LRRIQ4: variants seen among roughly 807,000 people sequenced by gnomAD.
The protein encoded by LRRIQ4 is leucine rich repeats and IQ motif containing 4.
Under a neutral mutation model 40.1 loss-of-function variants are expected in LRRIQ4, and 21 were observed. The observed-to-expected ratio is 0.52, with a 90% CI of 0.37 to 0.75. The LOEUF (loss-of-function observed/expected upper bound fraction) is 0.75. LRRIQ4 is among the 30% of genes least tolerant of loss of function. The probability of loss-of-function intolerance (pLI) is 0.00; values close to 1 mark genes in which losing one functional copy is unlikely to be tolerated. For missense variants in LRRIQ4, 655 were observed against 660.0 expected (o/e 0.99, Z 0.08); for synonymous variants, 277 against 277.1 (o/e 1.00, Z 0.00).
At chr3:169,819,311 C>T (rs550837005) in intron 1 of LRRIQ4, among the ~76,000 whole-genome samples, 2 of 152,116 alleles carry the variant, frequency 1.3e-5, no homozygotes, top group South Asian at 2.1e-4. Flanking sequence ...TTTCAGAGGG[C>T]CGTCAAATTG....
At chr3:169,826,241 A>C (rs1780037465) in intron 2 of LRRIQ4, among the ~76,000 whole-genome samples, 1 of 152,046 alleles carries the variant, frequency 6.6e-6, no homozygotes, top group African/African-American at 2.4e-5. Context: ...AAAATACAAA[A>C]ATTAGCCGGG....
rs1462102099 is a variant in LRRIQ4, at chr3:169,837,613, A to G, written c.1665A>G (p.Gly555=). 1 of 1,578,152 alleles carries G rather than the reference A, an allele frequency of 6.3e-7. No individual in the cohort carries two copies. Among genetic ancestry groups the G allele is most frequent in the South Asian group, 1.2e-5 (1 of 84,192 alleles). ...KGKKDVKGKP[G]KGKKK ...AGAAGGATGTAAAAGGAAAACCAGG[A>G]AAGGGAAAAAAGAAATAATCCTGTA... Residue 555 remains glycine (G), a synonymous_variant, in exon 6 of 6, where the codon GGA becomes GGG. Coordinates refer to ENST00000340806, the MANE Select transcript of LRRIQ4 (RefSeq NM_001080460.3).
At position 169,828,842 on chromosome 3, in the gene LRRIQ4, C is replaced by T. The variant is rs1780100284; in HGVS notation, c.1104C>T (p.Val368=). 6.2e-7 allele frequency: 1 copy of T among 1,613,710 alleles called. No homozygotes were observed. ...GNEFLSFPEE[V]LSLASLEKLY... is the part of the protein sequence containing the mutation. ...AGTTCCTTTCCTTTCCGGAGGAAGT[C>T]CTTTCTTTAGCGTCTTTAGAGAAAT... The change falls in exon 3 of 6, where the codon GTC becomes GTT. Residue 368 remains valine (V), a synonymous_variant. Coordinates refer to ENST00000340806, the MANE Select transcript of LRRIQ4 (RefSeq NM_001080460.3).
intron 1 of LRRIQ4, among the ~76,000 whole-genome samples, chr3:169,818,013 G>A (rs1779801774): frequency 1.3e-5 from 2 of 152,188 alleles, no homozygotes; most frequent in South Asian, 4.1e-4. Context: ...TTATCCCACA[G>A]TGGTGGGGCT....
intron 2 of LRRIQ4, among the ~76,000 whole-genome samples, chr3:169,825,238 C>T (rs1438029950): frequency 6.6e-6 from 1 of 152,036 alleles, no homozygotes; most frequent in Non-Finnish European, 1.5e-5. Flanking sequence ...AAACTCCTGA[C>T]CTCATGATCT....
chr3:169,835,756 C>G (rs1196166817), intron 5 of LRRIQ4, among the ~76,000 whole-genome samples: 2 of 152,142 alleles, frequency 1.3e-5, no homozygotes, highest in African/African-American at 4.8e-5. Context: ...CCCATCTCCT[C>G]TTTCCTACTC....
Position 169,826,388 on chromosome 3 carries a change from G to A in LRRIQ4, c.1021-2371G>A, listed in dbSNP as rs150799703. Among the ~76,000 whole-genome samples the A allele has an allele frequency of 6.9e-4, 99 of 144,242 alleles. No homozygotes were observed. In the East Asian group the frequency reaches 0.01, roughly 15 times the overall value. The allele number at this position is 144,242 out of a possible 152,430, so 94.6% of individuals were successfully genotyped here. A position where few individuals can be genotyped will look rare whatever the true frequency, so the allele number is the denominator to read the frequency against. On this transcript the variant is annotated intron_variant, in intron 2 of 5. Coordinates refer to ENST00000340806, the MANE Select transcript of LRRIQ4 (RefSeq NM_001080460.3). The stretch of plus-strand genomic sequence containing the variant: ...GCCGAGGCAAGAAGAGTGAAACTCC[G>A]CCTCAAAAAAAAAAAAAGAAAAAGA...
At chr3:169,825,414 T>C (rs1456089421) in intron 2 of LRRIQ4, among the ~76,000 whole-genome samples, 1 of 152,220 alleles carries the variant, frequency 6.6e-6, no homozygotes, top group Non-Finnish European at 1.5e-5. Context: ...TGGTAACTTG[T>C]AGATTTAGGT....
intron 1 of LRRIQ4, among the ~76,000 whole-genome samples, chr3:169,814,387 T>C (rs923557902): frequency 7.9e-5 from 12 of 152,132 alleles, no homozygotes; most frequent in Non-Finnish European, 1.6e-4. Flanking sequence ...GCTCCTCTGT[T>C]CCTCTCAATG....
chr3:169,831,416 G>A (rs985895786), intron 4 of LRRIQ4, among the ~76,000 whole-genome samples: 21 of 131,010 alleles, frequency 1.6e-4, no homozygotes, highest in African/African-American at 6.2e-4. Flanking sequence ...TGGAACTACA[G>A]GCGCCCGCCA....
rs768956499 is a variant in LRRIQ4 at position 169,822,877 on chromosome 3, C to G, written c.956C>G (p.Pro319Arg). 5 of 1,602,382 alleles carry G rather than the reference C, an allele frequency of 3.1e-6. No homozygotes were observed. Among genetic ancestry groups the G allele is most frequent in the Middle Eastern group, 1.7e-4 (1 of 5,996 alleles). The change falls in exon 2 of 6, where the codon CCG becomes CGG. Residue 319 changes from proline to arginine, a missense_variant. Pro to Arg is a moderately radical substitution (Grantham distance 103). Coordinates refer to ENST00000340806, the MANE Select transcript of LRRIQ4 (RefSeq NM_001080460.3). ...DLSQNHLHHCPLQICALKNLE... is the reference protein window; with the variant it reads ...DLSQNHLHHCRLQICALKNLE... ...AGCCAGAACCATCTGCACCACTGCCCGCTGCAGATCTGTGCACTGAAGAAC... is the reference window on the plus strand; with the variant it reads ...AGCCAGAACCATCTGCACCACTGCCGGCTGCAGATCTGTGCACTGAAGAAC...
At chr3:169,813,414 G>A (rs949132350) in intron 1 of LRRIQ4, among the ~76,000 whole-genome samples, 24 of 152,242 alleles carry the variant, frequency 1.6e-4, no homozygotes, top group Non-Finnish European at 3.1e-4. Flanking sequence ...TTGTCCAGAT[G>A]TGACGATCTG....
chr3:169,823,334 T>A (rs1191489611), intron 2 of LRRIQ4, among the ~76,000 whole-genome samples: 1 of 150,584 alleles, frequency 6.6e-6, no homozygotes, highest in African/African-American at 2.4e-5. Flanking sequence ...CTCCAGGGTC[T>A]ACATTCTTTT....
chr3:169,820,675 A>T (rs972249666), intron 1 of LRRIQ4, among the ~76,000 whole-genome samples: 3 of 151,958 alleles, frequency 2.0e-5, no homozygotes, highest in Non-Finnish European at 2.9e-5. Flanking sequence ...ATCCATGGAC[A>T]TGATTTGTCC....
At chr3:169,837,148 C>T (rs1243314666) in intron 5 of LRRIQ4, among the ~76,000 whole-genome samples, 1 of 152,224 alleles carries the variant, frequency 6.6e-6, no homozygotes, top group Non-Finnish European at 1.5e-5. Context: ...TAGCACTCAT[C>T]ACCGTCTGAC....
intron 5 of LRRIQ4, among the ~76,000 whole-genome samples, chr3:169,836,186 A>G (rs1780298496): frequency 7.4e-6 from 1 of 134,560 alleles, no homozygotes; most frequent in Admixed American, 7.5e-5. Context: ...CTACTGTTTA[A>G]AAAAAAAAAA....
chr3:169,822,069 T>C lies in LRRIQ4; in HGVS notation c.148T>C (p.Leu50=), dbSNP rs773401995. 1.9e-6 allele frequency: 3 copies of C among 1,605,324 alleles called. No individual in the cohort carries two copies. The highest frequency in any genetic ancestry group is 2.2e-5 in the South Asian group (2 of 88,980). Reference sequence around the variant, plus strand: ...TTTGGAGATCTTCACATTCACAGAATTAGAAGAAGTGCATTTGGAGAATAA... The same window carrying C: ...TTTGGAGATCTTCACATTCACAGAACTAGAAGAAGTGCATTTGGAGAATAA... The part of the protein sequence containing the change: ...IPLEIFTFTE[L]EEVHLENNQI... The change falls in exon 2 of 6, where the codon TTA becomes CTA. Residue 50 remains leucine (L), a synonymous_variant. Coordinates refer to ENST00000340806, the MANE Select transcript of LRRIQ4 (RefSeq NM_001080460.3).
intron 1 of LRRIQ4, among the ~76,000 whole-genome samples, chr3:169,816,887 T>G (rs1779781572): frequency 6.6e-6 from 1 of 152,102 alleles, no homozygotes; most frequent in Admixed American, 6.6e-5. Context: ...GCCAAGCTGG[T>G]CTTGAACTCC....
At chr3:169,837,187 A>G (rs1385097341) in intron 5 of LRRIQ4, among the ~76,000 whole-genome samples, 2 of 152,216 alleles carry the variant, frequency 1.3e-5, no homozygotes, top group Non-Finnish European at 2.9e-5. Flanking sequence ...TTTATTTTGT[A>G]CTGTCTCTTC....
Sources: gnomAD v4.1 joint callset for allele counts (sites outside exome capture counted in the v4.1 genomes callset) on GRCh38, gnomAD v4.1.1 for gene constraint, MANE v1.5 for transcripts, NCBI Gene and HGNC (gene_info 2026-07-23, HGNC 2026-07-21) for gene names.